CSMD3: variants seen among roughly 807,000 people sequenced by gnomAD.
CSMD3 encodes CUB and Sushi multiple domains 3, also known as CUB and sushi domain-containing protein 3.
Under a neutral mutation model 435.2 loss-of-function variants are expected in CSMD3, and 177 were observed. That is an observed-to-expected ratio of 0.41 (90% confidence interval 0.36 to 0.46). The LOEUF (loss-of-function observed/expected upper bound fraction) is 0.46. Ranked by LOEUF, CSMD3 falls within the 20% of genes least tolerant of loss-of-function variation. CSMD3 has a pLI of 0.34. For synonymous variants in CSMD3, 1,656 were observed against 1,520.5 expected (o/e 1.09, Z -2.07); for missense variants, 4,265 against 4,504.6 (o/e 0.95, Z 1.52).
intron 59 of CSMD3, among the ~76,000 whole-genome samples, chr8:112,274,753 A>C (rs114710888): frequency 6.6e-6 from 1 of 152,330 alleles, no homozygotes; most frequent in Non-Finnish European, 1.5e-5. Flanking sequence ...ATGGACCACA[A>C]GACAAATTTA....
At chr8:113,273,402 G>A (rs550986896) in intron 3 of CSMD3, among the ~76,000 whole-genome samples, 10 of 151,932 alleles carry the variant, frequency 6.6e-5, no homozygotes, top group East Asian at 1.9e-4. Context: ...AACCAAGATC[G>A]GAAAATATTA....
chr8:112,292,896 C>G (rs1224699983), intron 54 of CSMD3, among the ~76,000 whole-genome samples, 186 bp from the exon 55 acceptor site: 3 of 152,066 alleles, frequency 2.0e-5, no homozygotes, highest in African/African-American at 7.2e-5. Context: ...TCAAAATAGT[C>G]TAACAGCATG....
intron 13 of CSMD3, among the ~76,000 whole-genome samples, chr8:112,699,028 G>C (rs1339291957): frequency 6.6e-6 from 1 of 152,060 alleles, no homozygotes; most frequent in African/African-American, 2.4e-5. Context: ...GGACCCATCA[G>C]CACTCTGTAA....
At chr8:112,601,162 T>C (rs1832320963) in intron 22 of CSMD3, among the ~76,000 whole-genome samples, 1 of 152,144 alleles carries the variant, frequency 6.6e-6, no homozygotes, top group Non-Finnish European at 1.5e-5. Context: ...TATAGATTTT[T>C]TAATCTAATA....
intron 5 of CSMD3, among the ~76,000 whole-genome samples, chr8:113,043,891 T>C (rs2087724845): frequency 6.6e-6 from 1 of 152,012 alleles, no homozygotes; most frequent in African/African-American, 2.4e-5. Flanking sequence ...AGCACATACA[T>C]GAGAAATCTC....
intron 1 of CSMD3, among the ~76,000 whole-genome samples, chr8:113,330,660 AC>A (rs1291466440): frequency 1.3e-5 from 2 of 152,014 alleles, no homozygotes; most frequent in Non-Finnish European, 3.0e-5. Flanking sequence ...CTCATATCAT[AC>A]CAAATAGACA....
rs142474281 is a variant in CSMD3 at position 112,582,070 on chromosome 8, G to T, written c.3885+4996C>A. On this transcript the variant is annotated intron_variant, in intron 23 of 70. Transcript: ENST00000297405. ...AATGTGATTCCACTGTTGGAATTGG[G>T]GCCTGGTGGAATGTGATGGCATCAT... Among the ~76,000 whole-genome samples, 536 of 152,140 alleles carry T rather than the reference G, an allele frequency of 3.5e-3. 1 individual carries two copies. Among genetic ancestry groups the T allele is most frequent in the Non-Finnish European group, 4.9e-3 (332 of 67,982 alleles).
chr8:113,429,864 T>G (rs1453942857), intron 1 of CSMD3, among the ~76,000 whole-genome samples: 1 of 152,160 alleles, frequency 6.6e-6, no homozygotes, highest in Non-Finnish European at 1.5e-5. Flanking sequence ...TTGCGCTTAT[T>G]GTAAAATACA....
rs1232657165 is a variant in CSMD3, at chr8:112,650,230, A to G, written c.3124T>C (p.Leu1042=). Residue 1042 remains leucine, a synonymous_variant, in exon 19 of 71, where the codon TTG becomes CTG. Coordinates refer to ENST00000297405, the MANE Select transcript of CSMD3 (RefSeq NM_198123.2). ...CATAGAAGGGGCTCTTCATGACTCA[A>G]CCTGTATCCTGAATCACAACTAAAT... ...VSFSCDSGYR[L]SHEEPLLCEK... 1 of 1,613,796 alleles carries G rather than the reference A, an allele frequency of 6.2e-7. No homozygotes were observed. The highest frequency in any genetic ancestry group is 8.5e-7 in the Non-Finnish European group (1 of 1,179,814).
rs892851166 is a variant in CSMD3, at chr8:112,506,963, T to C, written c.4757-134A>G. ...ACCTGAATTTTATAGTACTTGATGC[T>C]TGGATACAGCATTATGTTTCAAGAA... On this transcript the variant is annotated intron_variant, in intron 28 of 70. Transcript: ENST00000297405. 6.8e-6 allele frequency: 5 copies of C among 733,806 alleles called. No individual in the cohort carries two copies. The African/African-American group carries it at 7.1e-5, about 10-fold the overall frequency. 45.5% of individuals were successfully genotyped at this position (733,806 alleles called of 1,614,324 possible).
chr8:113,423,369 T>G (rs938078238), intron 1 of CSMD3, among the ~76,000 whole-genome samples: 17 of 152,048 alleles, frequency 1.1e-4, no homozygotes, highest in African/African-American at 4.1e-4. Context: ...GAGATTCTCT[T>G]TTGTGCTAAC....
At chr8:113,001,300 G>T (rs1397897534) in intron 6 of CSMD3, among the ~76,000 whole-genome samples, 1 of 152,156 alleles carries the variant, frequency 6.6e-6, no homozygotes, top group Non-Finnish European at 1.5e-5. Flanking sequence ...CTGAGGACAA[G>T]GTTCTACAAC....
At chr8:112,389,510 C>A (rs1187141661) in intron 36 of CSMD3, among the ~76,000 whole-genome samples, 1 of 152,162 alleles carries the variant, frequency 6.6e-6, no homozygotes, top group African/African-American at 2.4e-5. Context: ...CCTTAAAACT[C>A]TGAAAATGTA....
rs147733277 is a variant in CSMD3 at position 113,245,647 on chromosome 8, G to A, written c.514+32945C>T. On this transcript the variant is annotated intron_variant, in intron 3 of 70. Transcript: ENST00000297405. ...CTTTATGCAGTTGTTTTTAAAATCA[G>A]ACAGAATATTTTACAAGTTAAATTA... 6.1e-3 allele frequency among the ~76,000 whole-genome samples: 928 copies of A among 151,990 alleles called. 2 individuals are homozygous for A. Among genetic ancestry groups the A allele is most frequent in the Non-Finnish European group, 9.1e-3 (616 of 67,898 alleles).
chr8:112,937,389 C>T (rs1318094186), intron 9 of CSMD3, among the ~76,000 whole-genome samples: 4 of 137,782 alleles, frequency 2.9e-5, no homozygotes, highest in Admixed American at 7.9e-5. Flanking sequence ...CTCTCTCTGT[C>T]GCCTAATTTG....
At chr8:112,682,366 G>A (rs2075918773) in intron 16 of CSMD3, 76 bp downstream of exon 16, 3 of 1,004,534 alleles carry the variant, frequency 3.0e-6, no homozygotes, top group Non-Finnish European at 4.8e-6. Context: ...GTCCTGGTAG[G>A]ATAATGTGTT....
intron 13 of CSMD3, among the ~76,000 whole-genome samples, chr8:112,693,457 T>G (rs973634181): frequency 1.3e-5 from 2 of 152,048 alleles, no homozygotes; most frequent in Non-Finnish European, 2.9e-5. Flanking sequence ...TTATTTGCCC[T>G]CAGCATTTAA....
intron 10 of CSMD3, among the ~76,000 whole-genome samples, chr8:112,892,807 T>C (rs1338005921): frequency 6.6e-6 from 1 of 151,428 alleles, no homozygotes; most frequent in Non-Finnish European, 1.5e-5. Flanking sequence ...CCTGCAATTT[T>C]TCTCTATTCC....
intron 12 of CSMD3, among the ~76,000 whole-genome samples, chr8:112,801,605 A>T (rs1002217973): frequency 2.3e-4 from 35 of 152,032 alleles, no homozygotes; most frequent in African/African-American, 8.2e-4. Context: ...ACACATATAT[A>T]TTGTCTATAT....
Sources: gnomAD v4.1 joint callset for allele counts (sites outside exome capture counted in the v4.1 genomes callset) on GRCh38, gnomAD v4.1.1 for gene constraint, MANE v1.5 for transcripts, NCBI Gene and HGNC (gene_info 2026-07-23, HGNC 2026-07-21) for gene names.